Variants in AFF2 observed in about 807,000 individuals in gnomAD.
AFF2 encodes the protein AF4/FMR2 family member 2.
A neutral mutation model predicts 76.9 loss-of-function variants in AFF2; 14 were observed. The observed-to-expected ratio is 0.18, with a 90% CI of 0.12 to 0.28. The LOEUF is 0.28. AFF2 is among the 10% of genes least tolerant of loss of function. The pLI, the probability that AFF2 is intolerant of heterozygous loss-of-function variation, is 1.00. For synonymous variants in AFF2, 398 were observed against 366.7 expected (o/e 1.09, Z -0.98); for missense variants, 868 against 1,001.1 (o/e 0.87, Z 1.79).
Position 148,936,211 on chromosome X carries a change from A to T in AFF2, c.1398-17369A>T, listed in dbSNP as rs782721913. On this transcript the variant is annotated intron_variant, in intron 9 of 20. Transcript: ENST00000370460. ...AATTTACCTTGCGTTTTCTGTGATA[A>T]TGATAAGGGAAAAGGTAAGATTCCA... Among the ~76,000 whole-genome samples the T allele has an allele frequency of 2.7e-5, 3 of 111,574 alleles. No individual in the cohort carries two copies. In the South Asian group the frequency reaches 1.1e-3, roughly 42 times the overall value.
At chrX:148,600,837 C>A (rs1173656867) in intron 1 of AFF2, among the ~76,000 whole-genome samples, 1 of 112,069 alleles carries the variant, frequency 8.9e-6, no homozygotes, top group Non-Finnish European at 1.9e-5. Context: ...GCAGTGACTG[C>A]AACATTTAAA....
At chrX:148,945,460 A>G (rs1557286006) in intron 9 of AFF2, among the ~76,000 whole-genome samples, 1 of 112,032 alleles carries the variant, frequency 8.9e-6, no homozygotes, top group Non-Finnish European at 1.9e-5. Flanking sequence ...TAACTCACCA[A>G]CTTCTTTTTC....
At chrX:148,679,774 C>G (rs977837213) in intron 3 of AFF2, among the ~76,000 whole-genome samples, 2 of 111,341 alleles carry the variant, frequency 1.8e-5, no homozygotes, top group Non-Finnish European at 3.8e-5. Flanking sequence ...TTCAACATTG[C>G]CAATCTAAAT....
At chrX:148,990,577 GAA>G (rs781881905) in intron 20 of AFF2, among the ~76,000 whole-genome samples, 1 of 112,503 alleles carries the variant, frequency 8.9e-6, no homozygotes, top group Non-Finnish European at 1.9e-5. Flanking sequence ...TTCCCTAAGT[GAA>G]CCAAGGGGAA....
intron 3 of AFF2, among the ~76,000 whole-genome samples, chrX:148,799,977 G>C (rs1033056426): frequency 3.6e-5 from 4 of 111,793 alleles, no homozygotes; most frequent in Non-Finnish European, 5.6e-5. Flanking sequence ...GTTATTCTTA[G>C]CTATCGTTTC....
intron 1 of AFF2, among the ~76,000 whole-genome samples, chrX:148,628,572 CAAA>C (rs782227745): frequency 7.5e-5 from 5 of 66,438 alleles, no homozygotes; most frequent in Non-Finnish European, 3.1e-5. Flanking sequence ...GGTAGGTAAC[CAAA>C]AAAAAAAAAA....
intron 3 of AFF2, among the ~76,000 whole-genome samples, chrX:148,681,323 C>T (rs2124489661): frequency 8.9e-6 from 1 of 111,768 alleles, no homozygotes; most frequent in Non-Finnish European, 1.9e-5. Context: ...GGCTGCATAG[C>T]TGGGTTATTA....
chrX:148,684,394 A>G (rs887500518), intron 3 of AFF2, among the ~76,000 whole-genome samples: 15 of 112,361 alleles, frequency 1.3e-4, no homozygotes, highest in Non-Finnish European at 3.8e-5. Flanking sequence ...TTGTACCTTC[A>G]GCTTCAAATT....
intron 3 of AFF2, among the ~76,000 whole-genome samples, chrX:148,663,785 G>A (rs2054331727): frequency 8.9e-6 from 1 of 112,000 alleles, no homozygotes; most frequent in Non-Finnish European, 1.9e-5. Flanking sequence ...CAAGTTAGTG[G>A]TATCTGAGTT....
intron 1 of AFF2, among the ~76,000 whole-genome samples, chrX:148,612,046 C>T (rs2053739127): frequency 8.9e-6 from 1 of 111,779 alleles, no homozygotes; most frequent in Admixed American, 9.5e-5. Flanking sequence ...TAATCAGGCA[C>T]TTCATGCCAT....
chrX:148,597,147 G>T lies in AFF2; in HGVS notation c.48-54852G>T, dbSNP rs183273747. Among the ~76,000 whole-genome samples, 14 of 111,626 alleles carry T rather than the reference G, an allele frequency of 1.3e-4. No individual in the cohort carries two copies. In the East Asian group the frequency reaches 4.0e-3, roughly 32 times the overall value. ...TGGAGTTTACCAAAAACCTCTGCTT[G>T]TGGGGCCTTGCAACAAAGAGGAGAA... On this transcript the variant is annotated intron_variant, in intron 1 of 20. Transcript: ENST00000370460.
chrX:148,637,903 T>C (rs2054048490), intron 1 of AFF2, among the ~76,000 whole-genome samples: 1 of 110,681 alleles, frequency 9.0e-6, no homozygotes. Flanking sequence ...GTTTTTTTTC[T>C]TAGAAGGCTG....
chrX:148,777,687 T>C (rs1437070976), intron 3 of AFF2, among the ~76,000 whole-genome samples: 2 of 112,424 alleles, frequency 1.8e-5, no homozygotes, highest in East Asian at 5.6e-4. Context: ...CTTGTGATTT[T>C]CACACATCGA....
At chrX:148,572,918 T>G (rs2053246832) in intron 1 of AFF2, among the ~76,000 whole-genome samples, 2 of 111,132 alleles carry the variant, frequency 1.8e-5, no homozygotes, top group Non-Finnish European at 3.8e-5. Context: ...GAATTATATC[T>G]CAGGAAAGTT....
intron 1 of AFF2, among the ~76,000 whole-genome samples, chrX:148,515,016 A>C (rs1557233622): frequency 2.7e-5 from 3 of 112,210 alleles, no homozygotes; most frequent in Non-Finnish European, 5.6e-5. Context: ...TTATGAGATA[A>C]ATGTTTAAAA....
At chrX:148,719,191 A>G in intron 3 of AFF2, 1 of 1,150,041 alleles carries the variant, frequency 8.7e-7, no homozygotes, top group Middle Eastern at 2.3e-4. Context: ...ATGAAGTTCA[A>G]AAGGAGGCAC....
chrX:148,778,508 G>A (rs1339838000), intron 3 of AFF2, among the ~76,000 whole-genome samples: 3 of 111,002 alleles, frequency 2.7e-5, no homozygotes, highest in East Asian at 5.6e-4. Context: ...TAATTTTTTG[G>A]TTGGTAGTCT....
intron 1 of AFF2, among the ~76,000 whole-genome samples, chrX:148,599,169 C>G (rs1339543524): frequency 8.9e-6 from 1 of 112,410 alleles, no homozygotes; most frequent in African/African-American, 3.2e-5. Flanking sequence ...GTGTCATATG[C>G]AGGATGCATT....
intron 3 of AFF2, among the ~76,000 whole-genome samples, chrX:148,702,116 CGT>C (rs782176124): frequency 9.0e-6 from 1 of 111,173 alleles, no homozygotes; most frequent in South Asian, 3.8e-4. Context: ...TAGGTATCCA[CGT>C]GGATGTCACA....
Sources: allele counts gnomAD v4.1 joint callset (sites outside exome capture counted in the v4.1 genomes callset), GRCh38; gene constraint gnomAD v4.1.1; transcripts MANE v1.5; gene names NCBI Gene and HGNC (gene_info 2026-07-23, HGNC 2026-07-21).